Variants in L3MBTL1 observed in about 807,000 individuals in gnomAD.
L3MBTL1 encodes the protein L3MBTL histone methyl-lysine binding protein 1.
Under a neutral mutation model 105.3 loss-of-function variants are expected in L3MBTL1, and 75 were observed. The observed-to-expected ratio is 0.71, with a 90% CI of 0.59 to 0.86. The LOEUF is 0.86. Among genes scored for constraint, L3MBTL1 ranks in the 40% least tolerant of loss-of-function variants. L3MBTL1 has a pLI of 0.00. For missense variants in L3MBTL1, 1,069 were observed against 1,126.4 expected (o/e 0.95, Z 0.73); for synonymous variants, 452 against 436.2 (o/e 1.04, Z -0.45).
chr20:43,529,140 A>G (rs958648740), intron 8 of L3MBTL1, 124 bp from the exon 9 acceptor site: 1 of 678,688 alleles, frequency 1.5e-6, no homozygotes, highest in Non-Finnish European at 2.7e-6. Context: ...ACGATCCCCA[A>G]ATAAGTTGCC....
intron 11 of L3MBTL1, 100 bp downstream of exon 11, chr20:43,530,989 G>T (rs2019308948): frequency 2.1e-6 from 2 of 939,040 alleles, no homozygotes; most frequent in African/African-American, 1.7e-5. Context: ...CTCATGTGCT[G>T]GTTCTCTCAG....
Position 43,514,777 on chromosome 20 carries a change from G to A in L3MBTL1, c.502+1G>A, listed in dbSNP as rs1176599534. ...GGCGAGGCGGGCCCCCAACAGGCGGGTAGGAGCCCCGCTCCCCAGGCCCTG... is the reference window on the plus strand; with the variant it reads ...GGCGAGGCGGGCCCCCAACAGGCGGATAGGAGCCCCGCTCCCCAGGCCCTG... On this transcript the variant is annotated splice_donor_variant, in intron 4 of 21. Coordinates refer to ENST00000418998, the MANE Select transcript of L3MBTL1 (RefSeq NM_001377303.1). LOFTEE classifies it high-confidence loss of function. The A allele has an allele frequency of 6.5e-7, 1 of 1,546,488 alleles. No individual in the cohort carries two copies. The highest frequency in any genetic ancestry group is 2.0e-5 in the Admixed American group (1 of 50,662).
intron 7 of L3MBTL1, among the ~76,000 whole-genome samples, chr20:43,527,104 A>G (rs886838904): frequency 2.6e-5 from 4 of 152,244 alleles, no homozygotes; most frequent in Non-Finnish European, 5.9e-5. Flanking sequence ...CCAGTCCTAC[A>G]GCCTTAGTGA....
rs372822541 is a variant in L3MBTL1 at position 43,536,430 on chromosome 20, T to C, written c.2145T>C (p.Tyr715=). The change falls in exon 19 of 22, where the codon TAT becomes TAC. Residue 715 remains tyrosine, a synonymous_variant. Coordinates refer to ENST00000418998, the MANE Select transcript of L3MBTL1 (RefSeq NM_001377303.1). ...HHGRIGRPPK[Y]RKIPQEDFQT... ...CCAGAATTGGACGCCCTCCGAAGTATCGAAAGATTCCGCAGGAAGATTTCC... is the reference window on the plus strand; with the variant it reads ...CCAGAATTGGACGCCCTCCGAAGTACCGAAAGATTCCGCAGGAAGATTTCC... 3.7e-6 allele frequency: 6 copies of C among 1,613,914 alleles called. No individual in the cohort carries two copies. Among genetic ancestry groups the C allele is most frequent in the Non-Finnish European group, 5.1e-6 (6 of 1,180,036 alleles).
At chr20:43,538,269 G>C (rs1210762437) in intron 19 of L3MBTL1, among the ~76,000 whole-genome samples, 1 of 152,196 alleles carries the variant, frequency 6.6e-6, no homozygotes, top group Non-Finnish European at 1.5e-5. Context: ...CTGACCACCA[G>C]AGGGCACTTG....
chr20:43,528,046 C>A (rs148066628), intron 7 of L3MBTL1, among the ~76,000 whole-genome samples: 75 of 152,304 alleles, frequency 4.9e-4, no homozygotes, highest in African/African-American at 1.7e-3. Context: ...GCATGTACCA[C>A]CACGCCCAAC....
At chr20:43,532,701 G>T in intron 11 of L3MBTL1, 72 bp from the exon 12 acceptor site, 2 of 1,527,772 alleles carry the variant, frequency 1.3e-6, no homozygotes, top group Non-Finnish European at 1.8e-6. Context: ...CTATTCCTTT[G>T]TTTGCCAATG....
chr20:43,550,796 C>G lies in L3MBTL1; in HGVS notation c.*2551C>G, dbSNP rs117946455. 3.8e-3 allele frequency: 578 copies of G among 152,252 alleles called. 6 individuals are homozygous for G. The highest frequency in any genetic ancestry group is 2.9e-3 in the Non-Finnish European group (198 of 68,004). 9.4% of individuals were successfully genotyped at this position (152,252 alleles called of 1,614,324 possible). On this transcript the variant is annotated 3_prime_UTR_variant, in exon 19 of 19. Transcript: ENST00000422861. ...ACTTTGGTGGGGTTACATTTTTGTACTTGCCTCTTGTGTGTGCACATGTGT... is the reference window on the plus strand; with the variant it reads ...ACTTTGGTGGGGTTACATTTTTGTAGTTGCCTCTTGTGTGTGCACATGTGT...
intron 7 of L3MBTL1, among the ~76,000 whole-genome samples, chr20:43,527,399 TTTAAAGGGTGTTTGTCCTCTG>T (rs2019088524): frequency 6.6e-6 from 1 of 152,220 alleles, no homozygotes; most frequent in African/African-American, 2.4e-5. Flanking sequence ...TATTCTAGCC[TTTAAAGGGTGTTTGTCCTCTG>T]TTAGAGGCTA....
intron 19 of L3MBTL1, among the ~76,000 whole-genome samples, chr20:43,538,309 T>C (rs1265750818): frequency 6.6e-6 from 1 of 152,194 alleles, no homozygotes; most frequent in Non-Finnish European, 1.5e-5. Context: ...AATTAGGCTG[T>C]AGAATTCTTG....
downstream of L3MBTL1, among the ~76,000 whole-genome samples, chr20:43,542,611 C>CAAAAAAAAAAAAAAAAAAAA (rs5841503): frequency 8.9e-6 from 1 of 112,668 alleles, no homozygotes; most frequent in Non-Finnish European, 1.8e-5. Context: ...AAAAATTTAA[C>CAAAAAAAAAAAAAAAAAAAA]AAAAAAAAAA....
At chr20:43,514,317 A>G (rs1319119582) in intron 3 of L3MBTL1, 23 of 989,114 alleles carry the variant, frequency 2.3e-5, no homozygotes, top group Non-Finnish European at 3.0e-5. Context: ...CGTGGCTTAG[A>G]CTGGGGCACC....
intron 4 of L3MBTL1, 72 bp from the exon 5 acceptor site, chr20:43,514,937 G>A: frequency 2.6e-6 from 4 of 1,558,190 alleles, no homozygotes; most frequent in Non-Finnish European, 3.5e-6. Flanking sequence ...GGCAGGGCCT[G>A]AGGGGGCGTG....
intron 16 of L3MBTL1, 107 bp from the exon 17 acceptor site, chr20:43,535,730 G>A (rs953084812): frequency 2.9e-6 from 2 of 690,048 alleles, no homozygotes; most frequent in Non-Finnish European, 5.0e-6. Context: ...TCATCCTTGG[G>A]GAGTGGGTTT....
chr20:43,508,171 T>C (rs909913847), intron 1 of L3MBTL1, among the ~76,000 whole-genome samples: 3 of 151,852 alleles, frequency 2.0e-5, no homozygotes, highest in Non-Finnish European at 4.4e-5. Context: ...TAATGGAATA[T>C]GGAATTTTTT....
Position 43,532,827 on chromosome 20 carries a change from A to G in L3MBTL1, c.1339A>G (p.Met447Val). The G allele has an allele frequency of 1.2e-6, 2 of 1,614,182 alleles. No individual in the cohort carries two copies. Among genetic ancestry groups the G allele is most frequent in the Non-Finnish European group, 1.7e-6 (2 of 1,180,022 alleles). ...CATGAAGCTGGAGGCTGTTGACCGC[A>G]TGAACCCGTCCCTTGTCTGCGTGGC... Reference protein sequence around the residue: ...VGMKLEAVDRMNPSLVCVASV... With the variant: ...VGMKLEAVDRVNPSLVCVASV... Residue 447 changes from methionine (M) to valine (V), a missense_variant, in exon 12 of 22, where the codon ATG (methionine) becomes GTG (valine). Met to Val is a conservative substitution (Grantham distance 21, BLOSUM62 1). Coordinates refer to ENST00000418998, the MANE Select transcript of L3MBTL1 (RefSeq NM_001377303.1).
At chr20:43,522,465 T>TTTG (rs2018776818) in intron 7 of L3MBTL1, among the ~76,000 whole-genome samples, 1 of 115,622 alleles carries the variant, frequency 8.6e-6, no homozygotes, top group Non-Finnish European at 1.8e-5. Flanking sequence ...AAGTTTTTTT[T>TTTG]TTTTTTTTTT....
intron 19 of L3MBTL1, chr20:43,539,669 G>A: frequency 7.8e-6 from 2 of 256,890 alleles, no homozygotes; most frequent in Non-Finnish European, 1.5e-5. Flanking sequence ...GCCTGGTCAG[G>A]GGGACTGTGA....
chr20:43,550,397 G>C (rs1231477025), exon 19 of L3MBTL1: 2 of 152,172 alleles, frequency 1.3e-5, no homozygotes, highest in Non-Finnish European at 2.9e-5. Flanking sequence ...GGGCTCCCAG[G>C]CTTCTGAACT....
Sources: gnomAD v4.1 joint callset for allele counts (sites outside exome capture counted in the v4.1 genomes callset) on GRCh38, gnomAD v4.1.1 for gene constraint, MANE v1.5 for transcripts, NCBI Gene and HGNC (gene_info 2026-07-23, HGNC 2026-07-21) for gene names.